Variants in SRSF11 observed in about 807,000 individuals in gnomAD.
SRSF11 encodes the protein serine and arginine rich splicing factor 11.
A neutral mutation model predicts 56.0 loss-of-function variants in SRSF11; 9 were observed. The observed-to-expected ratio is 0.16, with a 90% CI of 0.10 to 0.28. SRSF11 has a LOEUF of 0.28. SRSF11 is among the 10% of genes least tolerant of loss of function. The pLI, the probability that SRSF11 is intolerant of heterozygous loss-of-function variation, is 1.00. For missense variants in SRSF11, 421 were observed against 600.7 expected (o/e 0.70, Z 3.13); for synonymous variants, 222 against 215.3 (o/e 1.03, Z -0.27).
intron 7 of SRSF11, 98 bp downstream of exon 7, chr1:70,239,618 A>C: frequency 1.1e-6 from 1 of 880,904 alleles, no homozygotes. Flanking sequence ...CTCTGGTTAA[A>C]GTGTTTTAGT....
intron 2 of SRSF11, 56 bp from the exon 3 acceptor site, chr1:70,232,210 TTG>T (rs760532555): frequency 3.7e-6 from 6 of 1,613,462 alleles, no homozygotes; most frequent in Non-Finnish European, 5.1e-6. Context: ...CTGGGTGTTT[TTG>T]TGTGTTTTCT....
At chr1:70,234,568 A>G in intron 3 of SRSF11, 128 bp from the exon 4 acceptor site, 1 of 613,828 alleles carries the variant, frequency 1.6e-6, no homozygotes, top group South Asian at 2.6e-5. Flanking sequence ...ACAACTGAGG[A>G]GTTGTACGGA....
chr1:70,214,914 T>C (rs1192417776), intron 1 of SRSF11, among the ~76,000 whole-genome samples: 1 of 139,978 alleles, frequency 7.1e-6, no homozygotes, highest in Non-Finnish European at 1.5e-5. Context: ...TTTTTTTTTT[T>C]TTGAGACAGA....
intron 1 of SRSF11, among the ~76,000 whole-genome samples, chr1:70,226,213 G>A (rs1392423318): frequency 3.3e-5 from 5 of 151,630 alleles, no homozygotes; most frequent in Admixed American, 2.0e-4. Flanking sequence ...AATTTTAATC[G>A]AAAAAATGTT....
At chr1:70,233,406 A>AT (rs1558186923) in intron 3 of SRSF11, among the ~76,000 whole-genome samples, 2 of 151,784 alleles carry the variant, frequency 1.3e-5, no homozygotes, top group Non-Finnish European at 2.9e-5. Context: ...TGCCTGACTA[A>AT]TTTTTGTATT....
chr1:70,236,260 A>G (rs1486673774), intron 5 of SRSF11, among the ~76,000 whole-genome samples: 1 of 150,590 alleles, frequency 6.6e-6, no homozygotes, highest in African/African-American at 2.4e-5. Context: ...TATTTATTAC[A>G]TTTCCTGTTC....
At position 70,250,395 on chromosome 1, in the gene SRSF11, C is replaced by G. The variant is rs769108656; in HGVS notation, c.1149C>G (p.Asp383Glu). The change falls in exon 11 of 12, where the codon GAC (aspartate) becomes GAG (glutamate). Residue 383 changes from aspartate to glutamate, a missense_variant. By Grantham distance (45) the Asp-to-Glu change is conservative. This residue lies in a region of SRSF11 where 253 missense variants were observed against 305.8 expected (regional missense o/e 0.83). Coordinates refer to ENST00000370949, the MANE Select transcript of SRSF11 (RefSeq NM_001350605.2). ...AAAAGGAGAAGAAGAAAGATAAAGA[C>G]AAAGAAAGAAGTAGGGATGAAAGAG... The part of the protein sequence containing the change: ...RHKKEKKKDK[D>E]KERSRDERER... 10 of 1,602,892 alleles carry G rather than the reference C, an allele frequency of 6.2e-6. No homozygotes were observed. The highest frequency in any genetic ancestry group is 2.7e-5 in the African/African-American group (2 of 74,140).
chr1:70,224,479 A>G (rs1340565674), intron 1 of SRSF11, among the ~76,000 whole-genome samples: 4 of 152,154 alleles, frequency 2.6e-5, no homozygotes, highest in Non-Finnish European at 4.4e-5. Flanking sequence ...TAAGTTTAAC[A>G]ACTTCTCTCC....
At chr1:70,245,101 T>G (rs969118253) in intron 8 of SRSF11, among the ~76,000 whole-genome samples, 5 of 152,200 alleles carry the variant, frequency 3.3e-5, no homozygotes, top group Admixed American at 3.3e-4. Flanking sequence ...ACGTTTTATT[T>G]CCATCTAAAA....
At chr1:70,238,061 A>G (rs1674509120) in intron 6 of SRSF11, among the ~76,000 whole-genome samples, 2 of 152,220 alleles carry the variant, frequency 1.3e-5, no homozygotes, top group African/African-American at 2.4e-5. Flanking sequence ...ATTTAGATCT[A>G]TGGCCCTGGA....
intron 7 of SRSF11, among the ~76,000 whole-genome samples, chr1:70,243,454 G>A (rs1304749011): frequency 2.0e-5 from 3 of 149,598 alleles, no homozygotes; most frequent in African/African-American, 4.9e-5. Context: ...AAGGCACCGA[G>A]CTAGACTCTA....
At chr1:70,214,894 GTTT>G (rs34229824) in intron 1 of SRSF11, among the ~76,000 whole-genome samples, 13,672 of 125,280 alleles carry the variant, frequency 0.11, 494 homozygotes, top group African/African-American at 0.2. Context: ...CTGCAGATAA[GTTT>G]TTTTTTTTTT....
chr1:70,236,792 ATTTTTTTTTTTTTT>A (rs35602423), intron 5 of SRSF11, among the ~76,000 whole-genome samples: 10 of 83,778 alleles, frequency 1.2e-4, no homozygotes, highest in East Asian at 6.2e-4. Flanking sequence ...TATGTCATAA[ATTTTTTTTTTTTTT>A]TTTTTTTTTT....
chr1:70,227,232 A>G (rs1469966198), intron 1 of SRSF11, among the ~76,000 whole-genome samples: 1 of 152,200 alleles, frequency 6.6e-6, no homozygotes, highest in Non-Finnish European at 1.5e-5. Context: ...AATCTGATGC[A>G]TTTACAATTT....
At chr1:70,225,225 T>C (rs1226898881) in intron 1 of SRSF11, among the ~76,000 whole-genome samples, 3 of 152,226 alleles carry the variant, frequency 2.0e-5, no homozygotes, top group Non-Finnish European at 2.9e-5. Flanking sequence ...CGGAGATACA[T>C]TGAAGTTCAT....
At chr1:70,244,588 A>T in intron 7 of SRSF11, 96 bp from the exon 8 acceptor site, 1 of 1,312,266 alleles carries the variant, frequency 7.6e-7, no homozygotes, top group Non-Finnish European at 1.0e-6. Flanking sequence ...TTAATTGTTT[A>T]GTCCATATGT....
chr1:70,207,688 A>G (rs1442328406), intron 1 of SRSF11, among the ~76,000 whole-genome samples: 9 of 150,926 alleles, frequency 6.0e-5, no homozygotes, highest in African/African-American at 2.2e-4. Flanking sequence ...TTTTACAGTA[A>G]CCACCCCTCC....
chr1:70,241,599 G>A (rs964159903), intron 7 of SRSF11, among the ~76,000 whole-genome samples: 5 of 152,108 alleles, frequency 3.3e-5, no homozygotes, highest in South Asian at 2.1e-4. Context: ...CTTTTTACAC[G>A]TGTCATTTGC....
At chr1:70,230,061 T>G in intron 2 of SRSF11, 3 of 985,414 alleles carry the variant, frequency 3.0e-6, no homozygotes, top group Non-Finnish European at 3.6e-6. Flanking sequence ...GTGAGTAATA[T>G]GTAAAACATT....
Sources: gnomAD v4.1 joint callset for allele counts (sites outside exome capture counted in the v4.1 genomes callset) on GRCh38, gnomAD v4.1.1 for gene constraint, gnomAD v4.1.1 regional missense constraint, MANE v1.5 for transcripts, NCBI Gene and HGNC (gene_info 2026-07-23, HGNC 2026-07-21) for gene names.